PLA2G6: variants seen among roughly 807,000 people sequenced by gnomAD.
The protein encoded by PLA2G6 is 85/88 kDa calcium-independent phospholipase A2.
A neutral mutation model predicts 83.8 loss-of-function variants in PLA2G6; 62 were observed. The observed-to-expected ratio is 0.74, with a 90% CI of 0.60 to 0.91. The LOEUF is 0.91. Ranked by LOEUF, PLA2G6 falls within the 40% of genes least tolerant of loss-of-function variation. The pLI, the probability that PLA2G6 is intolerant of heterozygous loss-of-function variation, is 0.00. For synonymous variants in PLA2G6, 417 were observed against 449.8 expected, an observed-to-expected ratio of 0.93 and a Z score of 0.92; for missense variants, 944 against 1,102.0, an observed-to-expected ratio of 0.86 and a Z score of 2.03.
chr22:38,168,964 T>C (rs992006251), intron 2 of PLA2G6, among the ~76,000 whole-genome samples: 1 of 152,154 alleles, frequency 6.6e-6, no homozygotes, highest in African/African-American at 2.4e-5. Flanking sequence ...TTTGTCCATA[T>C]AGGTCGAGCC....
At chr22:38,156,447 T>C (rs1040183561) in intron 2 of PLA2G6, among the ~76,000 whole-genome samples, 1 of 125,992 alleles carries the variant, frequency 7.9e-6, no homozygotes, top group Non-Finnish European at 1.8e-5. Context: ...TCTTAAATTA[T>C]TATTATTGTT....
intron 2 of PLA2G6, chr22:38,148,641 C>A (rs1167509014): frequency 1.4e-6 from 1 of 691,950 alleles, no homozygotes; most frequent in East Asian, 2.7e-5. Flanking sequence ...GAGGAGAGCC[C>A]TGATGAACAT....
Position 38,111,885 on chromosome 22 carries a change from T to G in PLA2G6, c.*276A>C, listed in dbSNP as rs1602049891. On this transcript the variant is annotated 3_prime_UTR_variant, in exon 17 of 17. Transcript: ENST00000332509. ...CGGGTACCCTTAATGTTTGAGCTGA[T>G]GGGGGAGTCAGTTGTCCTTGACAGT... is the stretch of plus-strand genomic sequence containing the variant. The G allele has an allele frequency of 2.2e-5, 11 of 498,952 alleles. No homozygotes were observed. Among genetic ancestry groups the G allele is most frequent in the East Asian group, 3.7e-5 (1 of 27,152 alleles). The allele number at this position is 498,952 out of a possible 1,614,324, so 30.9% of individuals were successfully genotyped here.
At chr22:38,134,957 G>GGCC in intron 6 of PLA2G6, 31 bp downstream of exon 6, 3 of 995,356 alleles carry the variant, frequency 3.0e-6, no homozygotes, top group East Asian at 2.4e-5. Context: ...CCGGCCCCCT[G>GGCC]CCCCACCCAC....
chr22:38,126,330 G>T (rs374686605), intron 10 of PLA2G6, 41 bp downstream of exon 10: 2 of 1,469,666 alleles, frequency 1.4e-6, no homozygotes, highest in Non-Finnish European at 1.9e-6. Flanking sequence ...GCAGGAAAGC[G>T]CACACGTTCC....
chr22:38,126,585 T>C, intron 9 of PLA2G6, 136 bp from the exon 10 acceptor site: 2 of 693,070 alleles, frequency 2.9e-6, no homozygotes, highest in Non-Finnish European at 2.6e-6. Flanking sequence ...CTGTCATCTG[T>C]CCCTTCCCCA....
At chr22:38,168,491 C>G (rs1473933550) in intron 2 of PLA2G6, among the ~76,000 whole-genome samples, 1 of 152,222 alleles carries the variant, frequency 6.6e-6, no homozygotes, top group Non-Finnish European at 1.5e-5. Flanking sequence ...CAAGAGGCAA[C>G]AGCTCTGTCC....
At chr22:38,171,383 A>C (rs981223276) in intron 1 of PLA2G6, among the ~76,000 whole-genome samples, 1 of 152,068 alleles carries the variant, frequency 6.6e-6, no homozygotes, top group African/African-American at 2.4e-5. Flanking sequence ...TTGTTTTGAA[A>C]CAGGGTCTGG....
At chr22:38,112,695 C>T (rs941817508) in intron 15 of PLA2G6, 118 bp from the exon 16 acceptor site, 7 of 821,946 alleles carry the variant, frequency 8.5e-6, no homozygotes, top group East Asian at 5.3e-5. Context: ...TCTTTCGAGT[C>T]AGGCTGAGCC....
At chr22:38,113,676 C>T in intron 14 of PLA2G6, 22 bp from the exon 15 acceptor site, 1 of 1,612,360 alleles carries the variant, frequency 6.2e-7, no homozygotes, top group African/African-American at 1.3e-5. Flanking sequence ...AGGACAGGGG[C>T]AGTCAGAAGA....
Position 38,112,888 on chromosome 22 carries a change from C to CCT in PLA2G6, c.2203-313_2203-312dup, listed in dbSNP as rs34550422. On this transcript the variant is annotated intron_variant, in intron 15 of 16. Transcript: ENST00000332509. ...CTCCCTGAAGTTTCCCTCCCTCCCTCCTCTCTCTCTCTCTCTCTCTTTCTT... is the reference window on the plus strand; with the variant it reads ...CTCCCTGAAGTTTCCCTCCCTCCCTCCTCTCTCTCTCTCTCTCTCTCTTTCTT... The CCT allele has an allele frequency of 8.1e-3, 3,650 of 452,548 alleles. 92 individuals carry two copies. Among genetic ancestry groups the CCT allele is most frequent in the African/African-American group, 0.062 (3,067 of 49,290 alleles). The allele number at this position is 452,548 out of a possible 1,614,324, so 28.0% of individuals were successfully genotyped here.
intron 2 of PLA2G6, chr22:38,148,577 G>T (rs1016333221): frequency 7.0e-6 from 5 of 717,106 alleles, no homozygotes; most frequent in Non-Finnish European, 2.6e-6. Flanking sequence ...AGCAGCACCA[G>T]TAACAGCCTC....
intron 14 of PLA2G6, among the ~76,000 whole-genome samples, chr22:38,114,568 A>AGGCTCCCC (rs2087074194): frequency 1.3e-5 from 2 of 152,118 alleles, no homozygotes. Context: ...TCTGGGTCCC[A>AGGCTCCCC]GGCTCCCCAT....
Position 38,118,845 on chromosome 22 carries a change from C to T in PLA2G6, c.1742+1914G>A, listed in dbSNP as rs1352967512. Among the ~76,000 whole-genome samples, 8 of 151,980 alleles carry T rather than the reference C, an allele frequency of 5.3e-5. No homozygotes were observed. The East Asian group carries it at 7.7e-4, about 15-fold the overall frequency. On this transcript the variant is annotated intron_variant, in intron 12 of 16. Transcript: ENST00000332509. The stretch of plus-strand genomic sequence containing the variant: ...CACAGCCCACTGTAGCCTCAGCCTC[C>T]GGGGCTCAAGTGATCCTCCCACCTC...
chr22:38,174,045 C>A (rs1845727796), intron 1 of PLA2G6, among the ~76,000 whole-genome samples: 2 of 150,166 alleles, frequency 1.3e-5, no homozygotes, highest in Non-Finnish European at 3.0e-5. Flanking sequence ...AGAGCAAGAC[C>A]CTGCCTCAAA....
At chr22:38,121,875 G>C (rs2087546903) in intron 11 of PLA2G6, among the ~76,000 whole-genome samples, 1 of 151,968 alleles carries the variant, frequency 6.6e-6, no homozygotes, top group African/African-American at 2.4e-5. Context: ...GGCTGGGGTA[G>C]AGAGCTGGGC....
intron 1 of PLA2G6, among the ~76,000 whole-genome samples, chr22:38,176,086 A>G (rs773326175): frequency 6.6e-6 from 1 of 152,164 alleles, no homozygotes; most frequent in Non-Finnish European, 1.5e-5. Flanking sequence ...ACGGCCCACA[A>G]GGGGTTCGCT....
intron 2 of PLA2G6, among the ~76,000 whole-genome samples, chr22:38,155,071 C>CA (rs911508964): frequency 6.1e-4 from 92 of 152,034 alleles, no homozygotes; most frequent in African/African-American, 2.1e-3. Context: ...ACTAAAAATA[C>CA]AAAAAATTAG....
intron 5 of PLA2G6, chr22:38,139,658 C>G: frequency 3.9e-6 from 1 of 253,710 alleles, no homozygotes; most frequent in Admixed American, 4.7e-5. Flanking sequence ...TGGTCTCGAA[C>G]TCCCGACCTC....
Sources: gnomAD v4.1 joint callset for allele counts (sites outside exome capture counted in the v4.1 genomes callset) on GRCh38, gnomAD v4.1.1 for gene constraint, MANE v1.5 for transcripts, NCBI Gene and HGNC (gene_info 2026-07-23, HGNC 2026-07-21) for gene names.